Variants in EYS observed in about 807,000 individuals in gnomAD.
EYS encodes the protein protein eyes shut homolog.
EYS carries 250 observed loss-of-function variants against 282.1 expected under a neutral mutation model. The observed-to-expected ratio is 0.89, with a 90% CI of 0.80 to 0.98. The LOEUF (loss-of-function observed/expected upper bound fraction) is 0.98. Among genes scored for constraint, EYS ranks in the 50% least tolerant of loss-of-function variants. The pLI, the probability that EYS is intolerant of heterozygous loss-of-function variation, is 0.00. For missense variants in EYS, 4,016 were observed against 3,709.0 expected (o/e 1.08, Z -2.15); for synonymous variants, 1,355 against 1,282.9 (o/e 1.06, Z -1.20).
Position 64,010,288 on chromosome 6 carries a change from T to C in EYS, c.6726-11105A>G, listed in dbSNP as rs976992550. Among the ~76,000 whole-genome samples the C allele has an allele frequency of 4.0e-5, 6 of 151,488 alleles. No homozygotes were observed. In the East Asian group the frequency reaches 1.2e-3, roughly 30 times the overall value. On this transcript the variant is annotated intron_variant, in intron 33 of 42. Transcript: ENST00000503581. ...GACTGGGGATGCGGTGCTCCTGCTC[T>C]GACAGTGGTGGTGGTGTGGCAGGGG...
chr6:63,999,379 A>C (rs1469631885), intron 33 of EYS, among the ~76,000 whole-genome samples, 196 bp from the exon 34 acceptor site: 2 of 150,652 alleles, frequency 1.3e-5, no homozygotes, highest in African/African-American at 4.8e-5. Flanking sequence ...ACTGCGTTTT[A>C]TTTTCCTTCT....
chr6:64,974,897 G>T (rs901794621), intron 14 of EYS, among the ~76,000 whole-genome samples: 8 of 151,788 alleles, frequency 5.3e-5, no homozygotes, highest in Admixed American at 3.3e-4. Context: ...ACTTCTTGGT[G>T]TGTGCATAAA....
At chr6:64,766,629 C>T (rs1773345559) in intron 22 of EYS, among the ~76,000 whole-genome samples, 1 of 7,658 alleles carries the variant, frequency 1.3e-4, no homozygotes, top group Non-Finnish European at 2.7e-4. Flanking sequence ...GAAACTCCGT[C>T]TCAAAAAAAA....
chr6:64,395,224 C>A (rs527743438), intron 28 of EYS, among the ~76,000 whole-genome samples: 5 of 152,068 alleles, frequency 3.3e-5, no homozygotes, highest in Middle Eastern at 3.4e-3. Context: ...GTCAGTGTGG[C>A]GATTCCTCAG....
chr6:65,298,103 C>T (rs894876382), intron 11 of EYS, among the ~76,000 whole-genome samples: 3 of 151,974 alleles, frequency 2.0e-5, no homozygotes, highest in East Asian at 1.9e-4. Flanking sequence ...TACAAGAATA[C>T]GAAGGCATAT....
intron 36 of EYS, among the ~76,000 whole-genome samples, chr6:63,817,771 C>T (rs1330103833): frequency 6.6e-6 from 1 of 152,194 alleles, no homozygotes; most frequent in Non-Finnish European, 1.5e-5. Context: ...TAAATTCTTT[C>T]TTCTGTGTCC....
intron 28 of EYS, among the ~76,000 whole-genome samples, chr6:64,391,735 A>T (rs1256950804): frequency 6.6e-6 from 1 of 152,080 alleles, no homozygotes; most frequent in Non-Finnish European, 1.5e-5. Context: ...CAAAATAACC[A>T]GCTAACATCA....
intron 8 of EYS, among the ~76,000 whole-genome samples, chr6:65,366,127 A>G (rs892145197): frequency 6.6e-6 from 1 of 151,700 alleles, no homozygotes; most frequent in African/African-American, 2.4e-5. Flanking sequence ...CCTAGTATGA[A>G]TGATAAATTA....
chr6:65,228,190 G>A (rs959743475), intron 12 of EYS, among the ~76,000 whole-genome samples: 4 of 151,876 alleles, frequency 2.6e-5, no homozygotes, highest in Non-Finnish European at 4.4e-5. Flanking sequence ...ATGCAACATC[G>A]TACTGGAGGT....
chr6:65,120,527 G>A (rs894567205), intron 12 of EYS, among the ~76,000 whole-genome samples: 10 of 145,616 alleles, frequency 6.9e-5, no homozygotes, highest in African/African-American at 1.8e-4. Context: ...CCATACCAGT[G>A]TGTCACACAC....
intron 12 of EYS, among the ~76,000 whole-genome samples, chr6:65,077,511 A>AT (rs1337897638): frequency 6.6e-6 from 1 of 152,130 alleles, no homozygotes; most frequent in Non-Finnish European, 1.5e-5. Flanking sequence ...ACGCAAATAA[A>AT]TGCATTAAGT....
chr6:65,361,329 G>A (rs1468221747), intron 8 of EYS, among the ~76,000 whole-genome samples: 4 of 149,292 alleles, frequency 2.7e-5, no homozygotes, highest in South Asian at 2.1e-4. Flanking sequence ...TAACCTGCAC[G>A]TTGTGAACAT....
rs543258453 is a variant in EYS, at chr6:65,695,977, G to C, written c.-448+11158C>G. 2.1e-3 allele frequency among the ~76,000 whole-genome samples: 314 copies of C among 152,056 alleles called. 1 individual carries two copies. The highest frequency in any genetic ancestry group is 3.5e-3 in the South Asian group (17 of 4,822). On this transcript the variant is annotated intron_variant, in intron 1 of 42. Coordinates refer to ENST00000503581, the MANE Select transcript of EYS (RefSeq NM_001142800.2). ...GGTCTAAAATAATTATTCTAAAGCC[G>C]TATGAAATCCCAGAATTCAGCTGGG... is the stretch of plus-strand genomic sequence containing the variant.
intron 30 of EYS, among the ~76,000 whole-genome samples, chr6:64,242,982 A>G (rs1189155256): frequency 6.8e-6 from 1 of 146,832 alleles, no homozygotes; most frequent in Non-Finnish European, 1.5e-5. Context: ...AAATACATAA[A>G]TATTGATATA....
intron 1 of EYS, among the ~76,000 whole-genome samples, chr6:65,676,674 T>C (rs1768612877): frequency 6.6e-6 from 1 of 151,792 alleles, no homozygotes; most frequent in Admixed American, 6.6e-5. Context: ...GCTAAAATAT[T>C]GAAGAGGAGA....
intron 5 of EYS, among the ~76,000 whole-genome samples, chr6:65,456,544 T>G (rs1562195805): frequency 2.0e-5 from 3 of 151,686 alleles, no homozygotes; most frequent in African/African-American, 7.3e-5. Context: ...TTTATAATTA[T>G]AAAAAAAAGA....
At chr6:65,150,366 A>G (rs946898376) in intron 12 of EYS, among the ~76,000 whole-genome samples, 5 of 151,902 alleles carry the variant, frequency 3.3e-5, no homozygotes, top group African/African-American at 1.2e-4. Context: ...AAAAGCACAT[A>G]TTTCTGATCC....
chr6:65,452,121 T>C (rs528130034), intron 5 of EYS, among the ~76,000 whole-genome samples: 1 of 151,898 alleles, frequency 6.6e-6, no homozygotes, highest in Non-Finnish European at 1.5e-5. Context: ...TAGTACCTTA[T>C]GACCTCACAC....
chr6:64,983,971 C>T (rs1041717576), intron 14 of EYS, among the ~76,000 whole-genome samples: 7 of 151,218 alleles, frequency 4.6e-5, no homozygotes, highest in African/African-American at 7.3e-5. Flanking sequence ...AAAAGTAGAG[C>T]GCTGTCTAAA....
Sources: allele counts gnomAD v4.1 joint callset (sites outside exome capture counted in the v4.1 genomes callset), GRCh38; gene constraint gnomAD v4.1.1; transcripts MANE v1.5; gene names NCBI Gene and HGNC (gene_info 2026-07-23, HGNC 2026-07-21).